DCUN1D3: variants seen among roughly 807,000 people sequenced by gnomAD.
DCUN1D3 encodes the protein defective in cullin neddylation 1 domain containing 3.
Under a neutral mutation model 24.8 loss-of-function variants are expected in DCUN1D3, and 6 were observed. The ratio of observed to expected loss-of-function variants is 0.24; its 90% CI spans 0.13 to 0.48. DCUN1D3 has a LOEUF of 0.48. Among genes scored for constraint, DCUN1D3 ranks in the 20% least tolerant of loss-of-function variants. The pLI is 0.99. For missense variants in DCUN1D3, 258 were observed against 379.4 expected (o/e 0.68, Z 2.66); for synonymous variants, 120 against 144.9 (o/e 0.83, Z 1.24).
In DCUN1D3 at chr16:20,873,049, G is replaced by A. The variant is rs145800889; in HGVS notation, c.-105-10406C>T. Among the ~76,000 whole-genome samples the A allele has an allele frequency of 2.7e-3, 405 of 151,884 alleles. 3 individuals are homozygous for A. The highest frequency in any genetic ancestry group is 9.3e-3 in the African/African-American group (385 of 41,392). On this transcript the variant is annotated intron_variant, in intron 1 of 2. Transcript: ENST00000324344. ...GAGAACTGCTTGAAGTGGGACCTGG[G>A]AGGCAGAGGTAGCAGTGAGGAAGAC... is the stretch of plus-strand genomic sequence containing the variant.
Position 20,855,578 on chromosome 16 carries a change from A to G in DCUN1D3, c.*4308T>C, listed in dbSNP as rs984745609. 6.6e-5 allele frequency: 10 copies of G among 152,240 alleles called. No individual in the cohort carries two copies. Among genetic ancestry groups the G allele is most frequent in the Admixed American group, 2.6e-4 (4 of 15,286 alleles). 9.4% of individuals were successfully genotyped at this position (152,240 alleles called of 1,614,324 possible). ...GAATCAGAAGCAGAACCCAATGGTTATGCAAAGCTATTTGAACTATTTTGG... is the reference window on the plus strand; with the variant it reads ...GAATCAGAAGCAGAACCCAATGGTTGTGCAAAGCTATTTGAACTATTTTGG... On this transcript the variant is annotated 3_prime_UTR_variant, in exon 3 of 3. Coordinates refer to ENST00000324344, the MANE Select transcript of DCUN1D3 (RefSeq NM_173475.4).
rs1351874782 is a variant in DCUN1D3, at chr16:20,857,493, A to T, written c.*2393T>A. The T allele has an allele frequency of 6.6e-6, 1 of 152,208 alleles. No homozygotes were observed. Among genetic ancestry groups the T allele is most frequent in the African/African-American group, 2.4e-5 (1 of 41,448 alleles). The allele number at this position is 152,208 out of a possible 1,614,324, so 9.4% of individuals were successfully genotyped here. A position where few individuals can be genotyped will look rare whatever the true frequency, so the allele number is the denominator to read the frequency against. ...GTGCAGCTTTCTCTGATACACTCTG[A>T]TCTGGGATGGAAAGGGCCTTATCTG... is the stretch of plus-strand genomic sequence containing the variant. On this transcript the variant is annotated 3_prime_UTR_variant, in exon 3 of 3. Transcript: ENST00000324344.
At chr16:20,861,351 T>G (rs1166713075) in intron 2 of DCUN1D3, among the ~76,000 whole-genome samples, 1 of 147,892 alleles carries the variant, frequency 6.8e-6, no homozygotes, top group East Asian at 2.0e-4. Flanking sequence ...GCACTTACCA[T>G]ATTGGTACTC....
intron 1 of DCUN1D3, among the ~76,000 whole-genome samples, chr16:20,891,224 C>T (rs2081890895): frequency 1.3e-5 from 2 of 152,020 alleles, no homozygotes; most frequent in Admixed American, 1.3e-4. Flanking sequence ...GAACTCCTGA[C>T]CTCGTGATCC....
intron 1 of DCUN1D3, among the ~76,000 whole-genome samples, chr16:20,868,106 A>G (rs2081771305): frequency 1.3e-5 from 2 of 152,180 alleles, no homozygotes. Flanking sequence ...AAGGATGTCT[A>G]GCTTTCCACT....
Position 20,862,449 on chromosome 16 carries a change from G to A in DCUN1D3, c.90C>T (p.Ser30=). 6.2e-7 allele frequency: 1 copy of A among 1,613,258 alleles called. No homozygotes were observed. The highest frequency in any genetic ancestry group is 8.5e-7 in the Non-Finnish European group (1 of 1,180,012). The change falls in exon 2 of 3, where the codon AGC becomes AGT. Residue 30 remains serine (S), a synonymous_variant. Coordinates refer to ENST00000324344, the MANE Select transcript of DCUN1D3 (RefSeq NM_173475.4). ...CCTCACGGTGGCCTGCACCCCTCCT[G>A]CTATGTGACTTGTTGCTGGGCTCAC... The part of the protein sequence containing the change: ...GDREPSNKSH[S]RRGAGHREEQ...
intron 1 of DCUN1D3, 60 bp from the exon 2 acceptor site, chr16:20,862,703 C>T: frequency 7.1e-7 from 1 of 1,415,476 alleles, no homozygotes; most frequent in Non-Finnish European, 9.3e-7. Flanking sequence ...TGGACCCTAC[C>T]TTCTAGGGTG....
At chr16:20,894,084 C>G (rs1017778866) in intron 1 of DCUN1D3, among the ~76,000 whole-genome samples, 2 of 152,138 alleles carry the variant, frequency 1.3e-5, no homozygotes, top group Non-Finnish European at 2.9e-5. Flanking sequence ...CTGGGCAACA[C>G]AGCGAAACCC....
intron 2 of DCUN1D3, among the ~76,000 whole-genome samples, chr16:20,861,198 C>T (rs555449152): frequency 9.2e-5 from 14 of 152,312 alleles, no homozygotes; most frequent in African/African-American, 1.9e-4. Context: ...TGGCTGAGGG[C>T]GGGCAACATG....
intron 1 of DCUN1D3, among the ~76,000 whole-genome samples, chr16:20,876,960 C>T (rs919588076): frequency 6.6e-6 from 1 of 151,626 alleles, no homozygotes; most frequent in Non-Finnish European, 1.5e-5. Context: ...GGAAGGGGAG[C>T]GGGAGGGGAG....
chr16:20,864,279 C>T (rs561178446), intron 1 of DCUN1D3, among the ~76,000 whole-genome samples: 42 of 152,172 alleles, frequency 2.8e-4, no homozygotes, highest in Admixed American at 7.2e-4. Context: ...CTATAAGGAA[C>T]TTAAATTTAC....
At chr16:20,869,674 TAAC>T (rs2081778998) in intron 1 of DCUN1D3, among the ~76,000 whole-genome samples, 1 of 152,182 alleles carries the variant, frequency 6.6e-6, no homozygotes, top group Non-Finnish European at 1.5e-5. Context: ...TGTATATTAA[TAAC>T]AATATTGTAA....
At chr16:20,873,659 T>TG (rs1003427318) in intron 1 of DCUN1D3, among the ~76,000 whole-genome samples, 11 of 152,200 alleles carry the variant, frequency 7.2e-5, no homozygotes, top group African/African-American at 2.4e-4. Flanking sequence ...GCCATATGGC[T>TG]GGGTGGGGTT....
chr16:20,887,426 C>T lies in DCUN1D3; in HGVS notation c.-106+12778G>A, dbSNP rs78867699. On this transcript the variant is annotated intron_variant, in intron 1 of 2. Transcript: ENST00000324344. The stretch of plus-strand genomic sequence containing the variant: ...CACATGAGTATTCATTTCAGCAACA[C>T]ATAAATTACAAGTGTAACCAAAGCC... 7.6e-3 allele frequency among the ~76,000 whole-genome samples: 1,150 copies of T among 152,296 alleles called. 24 individuals are homozygous for T. The highest frequency in any genetic ancestry group is 0.026 in the African/African-American group (1,083 of 41,562).
At chr16:20,869,426 C>G (rs1287582652) in intron 1 of DCUN1D3, among the ~76,000 whole-genome samples, 1 of 152,216 alleles carries the variant, frequency 6.6e-6, no homozygotes, top group Non-Finnish European at 1.5e-5. Context: ...GCTTCATATT[C>G]ATCATCACCT....
intron 1 of DCUN1D3, among the ~76,000 whole-genome samples, chr16:20,894,694 G>A (rs1196656086): frequency 6.6e-6 from 1 of 152,224 alleles, no homozygotes; most frequent in Non-Finnish European, 1.5e-5. Flanking sequence ...GCCTTTGCAT[G>A]CAACCAGGCT....
chr16:20,888,028 T>C (rs1411965243), intron 1 of DCUN1D3, among the ~76,000 whole-genome samples: 4 of 152,202 alleles, frequency 2.6e-5, no homozygotes, highest in Admixed American at 1.3e-4. Flanking sequence ...ATTTCCCAGA[T>C]ACCCAGAGGA....
At chr16:20,895,841 C>T (rs1389724480) in intron 1 of DCUN1D3, among the ~76,000 whole-genome samples, 2 of 152,148 alleles carry the variant, frequency 1.3e-5, no homozygotes, top group Non-Finnish European at 2.9e-5. Flanking sequence ...TTATCAAGAC[C>T]CGGGAAAACA....
intron 1 of DCUN1D3, among the ~76,000 whole-genome samples, chr16:20,887,906 C>G (rs2081874468): frequency 6.6e-6 from 1 of 152,238 alleles, no homozygotes; most frequent in South Asian, 2.1e-4. Flanking sequence ...CCTGTCCCCA[C>G]TGCTAGACTT....
Sources: gnomAD v4.1 joint callset for allele counts (sites outside exome capture counted in the v4.1 genomes callset) on GRCh38, gnomAD v4.1.1 for gene constraint, MANE v1.5 for transcripts, NCBI Gene and HGNC (gene_info 2026-07-23, HGNC 2026-07-21) for gene names.